The following COL5A2 variants were observed in gnomAD, a reference collection of about 807,000 sequenced individuals.
COL5A2 encodes the protein collagen type V alpha 2 chain, also known as collagen alpha-2(V) chain.
In COL5A2, 23 loss-of-function variants were observed where a neutral mutation model predicts 208.2. The ratio of observed to expected loss-of-function variants is 0.11; its 90% CI spans 0.08 to 0.16. The LOEUF is 0.16. Among genes scored for constraint, COL5A2 ranks in the 10% least tolerant of loss-of-function variants. The probability of loss-of-function intolerance (pLI) is 1.00; values close to 1 mark genes in which losing one functional copy is unlikely to be tolerated. For missense variants in COL5A2, 1,590 were observed against 1,956.4 expected, an observed-to-expected ratio of 0.81 and a Z score of 3.53; for synonymous variants, 625 against 628.5, an observed-to-expected ratio of 0.99 and a Z score of 0.08.
chr2:189,350,501 T>A, the COL5A2 span, among the ~76,000 whole-genome samples: 1 of 152,198 alleles, frequency 6.6e-6, no homozygotes, highest in Non-Finnish European at 1.5e-5. Flanking sequence ...GCACTATTTT[T>A]CATCCCTACT....
the COL5A2 span, among the ~76,000 whole-genome samples, chr2:189,365,729 C>G: frequency 6.6e-6 from 1 of 152,126 alleles, no homozygotes; most frequent in African/African-American, 2.4e-5. Flanking sequence ...ATTTAAAGTT[C>G]AAAACTCCCC....
the COL5A2 span, among the ~76,000 whole-genome samples, chr2:189,272,385 A>G: frequency 2.0e-5 from 3 of 152,088 alleles, no homozygotes; most frequent in African/African-American, 7.2e-5. Context: ...GCTGGAAACC[A>G]TCATTCTCAT....
intron 52 of COL5A2, 34 bp from the exon 53 acceptor site, chr2:189,035,189 A>G: frequency 6.2e-7 from 1 of 1,613,566 alleles, no homozygotes; most frequent in Non-Finnish European, 8.5e-7. Context: ...CATACACAAG[A>G]CTGAAGGGTT....
At chr2:189,380,065 A>G in the COL5A2 span, among the ~76,000 whole-genome samples, 23 of 151,924 alleles carry the variant, frequency 1.5e-4, no homozygotes, top group Non-Finnish European at 3.1e-4. Flanking sequence ...TCAGCAGTTA[A>G]AAATGCTGTT....
chr2:189,070,643 A>T (rs1686254016), intron 18 of COL5A2, among the ~76,000 whole-genome samples: 1 of 152,022 alleles, frequency 6.6e-6, no homozygotes, highest in African/African-American at 2.4e-5. Flanking sequence ...AGTAAACCCC[A>T]TGAAAGTTGT....
chr2:189,365,126 G>C, the COL5A2 span, among the ~76,000 whole-genome samples: 1 of 152,074 alleles, frequency 6.6e-6, no homozygotes, highest in African/African-American at 2.4e-5. Context: ...TCTGTAATTT[G>C]TTATAATTTT....
At chr2:189,045,314 G>T in intron 46 of COL5A2, 82 bp from the exon 47 acceptor site, 1 of 854,688 alleles carries the variant, frequency 1.2e-6, no homozygotes, top group Non-Finnish European at 1.9e-6. Context: ...TCAACAATAC[G>T]TTTATAGTTG....
intron 1 of COL5A2, among the ~76,000 whole-genome samples, chr2:189,187,968 C>A (rs1180802601): frequency 2.9e-3 from 409 of 139,472 alleles, no homozygotes; most frequent in Non-Finnish European, 3.9e-3. Context: ...GACTCTGTCT[C>A]AAAAAAAAAA....
intron 11 of COL5A2, among the ~76,000 whole-genome samples, chr2:189,084,354 A>C (rs1259193526): frequency 6.6e-6 from 1 of 152,158 alleles, no homozygotes; most frequent in Non-Finnish European, 1.5e-5. Flanking sequence ...CATGTATGCT[A>C]TAGGATATAT....
At chr2:189,117,152 T>C (rs1344495975) in intron 1 of COL5A2, among the ~76,000 whole-genome samples, 2 of 152,188 alleles carry the variant, frequency 1.3e-5, no homozygotes, top group African/African-American at 4.8e-5. Flanking sequence ...GAAATCTAAA[T>C]GACTGTGGCC....
At chr2:189,419,441 C>T in the COL5A2 span, among the ~76,000 whole-genome samples, 1 of 152,058 alleles carries the variant, frequency 6.6e-6, no homozygotes, top group Non-Finnish European at 1.5e-5. Flanking sequence ...AGTAGAACCA[C>T]AACAACTGCC....
intron 1 of COL5A2, among the ~76,000 whole-genome samples, chr2:189,189,211 T>A (rs947282899): frequency 2.0e-5 from 3 of 152,158 alleles, no homozygotes; most frequent in African/African-American, 7.2e-5. Context: ...TTTTAGAAAA[T>A]CTGAGTAATA....
At chr2:189,097,448 G>A in intron 5 of COL5A2, 118 bp from the exon 6 acceptor site, 1 of 1,020,668 alleles carries the variant, frequency 9.8e-7, no homozygotes, top group Non-Finnish European at 1.5e-6. Flanking sequence ...ATTCAGTTCA[G>A]TTGAAGACTA....
chr2:189,217,086 ACT>A (rs1034948035), intron 1 of COL5A2, among the ~76,000 whole-genome samples: 8 of 152,000 alleles, frequency 5.3e-5, no homozygotes, highest in African/African-American at 1.5e-4. Flanking sequence ...AAAAATTAAC[ACT>A]CTGTTTCATT....
At chr2:189,397,447 A>G in the COL5A2 span, among the ~76,000 whole-genome samples, 53 of 152,196 alleles carry the variant, frequency 3.5e-4, no homozygotes, top group South Asian at 1.0e-3. Context: ...GACATTGCCA[A>G]CTTTTAAGGT....
upstream of COL5A2, among the ~76,000 whole-genome samples, chr2:189,182,918 T>C (rs1417090699): frequency 6.6e-6 from 1 of 152,164 alleles, no homozygotes; most frequent in Non-Finnish European, 1.5e-5. Flanking sequence ...ACTCTGTCAG[T>C]GTCTCCTTCT....
the COL5A2 span, among the ~76,000 whole-genome samples, chr2:189,373,699 T>C: frequency 6.6e-6 from 1 of 152,204 alleles, no homozygotes; most frequent in African/African-American, 2.4e-5. Flanking sequence ...CAAGGACATA[T>C]ACTTTGGGTC....
At chr2:189,278,829 A>C in the COL5A2 span, among the ~76,000 whole-genome samples, 2 of 151,880 alleles carry the variant, frequency 1.3e-5, no homozygotes, top group Non-Finnish European at 2.9e-5. Context: ...CTAATATTTT[A>C]GCTCATTACT....
At chr2:189,396,303 G>A in the COL5A2 span, among the ~76,000 whole-genome samples, 1 of 152,126 alleles carries the variant, frequency 6.6e-6, no homozygotes, top group Non-Finnish European at 1.5e-5. Flanking sequence ...GGAAATCACT[G>A]GTATAGTGAA....
Sources: gnomAD v4.1 joint callset for allele counts (sites outside exome capture counted in the v4.1 genomes callset) on GRCh38, gnomAD v4.1.1 for gene constraint, MANE v1.5 for transcripts, NCBI Gene and HGNC (gene_info 2026-07-23, HGNC 2026-07-21) for gene names.